TP63: variants seen among roughly 807,000 people sequenced by gnomAD.
TP63 encodes tumor protein 63.
Under a neutral mutation model 82.8 loss-of-function variants are expected in TP63, and 17 were observed. The observed-to-expected ratio is 0.21, with a 90% CI of 0.14 to 0.31. TP63 has a LOEUF of 0.31. TP63 is among the 10% of genes least tolerant of loss of function. The pLI, the probability that TP63 is intolerant of heterozygous loss-of-function variation, is 1.00. For missense variants in TP63, 648 were observed against 895.3 expected (o/e 0.72, Z 3.52); for synonymous variants, 330 against 321.7 (o/e 1.03, Z -0.28).
At position 189,659,018 on chromosome 3, in the gene TP63, C is replaced by T. The variant is rs535274401; in HGVS notation, c.62+27441C>T. Reference sequence around the variant, plus strand: ...ATCTTTCAATTGTTCTGAAATATAACGCTATTCTAAAATAAAAGTTTATTA... The same window carrying T: ...ATCTTTCAATTGTTCTGAAATATAATGCTATTCTAAAATAAAAGTTTATTA... On this transcript the variant is annotated intron_variant, in intron 1 of 13. Coordinates refer to ENST00000264731, the MANE Select transcript of TP63 (RefSeq NM_003722.5). Among the ~76,000 whole-genome samples the T allele has an allele frequency of 9.1e-4, 139 of 152,006 alleles. 1 individual carries two copies. Among genetic ancestry groups the T allele is most frequent in the Non-Finnish European group, 1.6e-3 (110 of 67,886 alleles).
intron 3 of TP63, among the ~76,000 whole-genome samples, chr3:189,805,958 G>A (rs1456964997): frequency 6.6e-6 from 1 of 151,958 alleles, no homozygotes; most frequent in Admixed American, 6.6e-5. Flanking sequence ...TACCCCCCTG[G>A]GGAGAGGGGC....
rs372147574 is a variant in TP63, at chr3:189,848,239, T to TCC, written c.580-15993_580-15992insCC. 6.2e-5 allele frequency among the ~76,000 whole-genome samples: 6 copies of TCC among 96,026 alleles called. No individual in the cohort carries two copies. In the South Asian group the frequency reaches 1.7e-3, roughly 27 times the overall value. 63.0% of individuals were successfully genotyped at this position (96,026 alleles called of 152,430 possible). A position where few individuals can be genotyped will look rare whatever the true frequency, so the allele number is the denominator to read the frequency against. ...CTCTGCCTCCTCCTCCTCCTCCTCC[T>TCC]TCTCTCTCTCTCTCTCTCTCTCTCT... On this transcript the variant is annotated intron_variant, in intron 4 of 13. Transcript: ENST00000264731.
intron 1 of TP63, among the ~76,000 whole-genome samples, chr3:189,642,221 G>A (rs1711952905): frequency 6.6e-6 from 1 of 152,026 alleles, no homozygotes; most frequent in African/African-American, 2.4e-5. Context: ...TTATTAACTA[G>A]GACTTCCGTA....
intron 1 of TP63, among the ~76,000 whole-genome samples, chr3:189,662,480 G>A (rs189937817): frequency 1.5e-4 from 23 of 151,798 alleles, no homozygotes; most frequent in African/African-American, 5.6e-4. Flanking sequence ...TTGCTATATG[G>A]TTAAGTATGT....
At chr3:189,633,407 C>T (rs893985496) in intron 1 of TP63, among the ~76,000 whole-genome samples, 3 of 152,026 alleles carry the variant, frequency 2.0e-5, no homozygotes, top group East Asian at 3.9e-4. Context: ...AAGGCCCCAG[C>T]GTGTGTTGTT....
chr3:189,880,151 G>C, intron 10 of TP63: 1 of 1,613,682 alleles, frequency 6.2e-7, no homozygotes, highest in Non-Finnish European at 8.5e-7. Context: ...GACATTCCAA[G>C]CCCCCAAACC....
At chr3:189,671,333 A>T (rs1431095924) in intron 1 of TP63, among the ~76,000 whole-genome samples, 1 of 152,142 alleles carries the variant, frequency 6.6e-6, no homozygotes, top group Admixed American at 6.6e-5. Flanking sequence ...AACCACAATG[A>T]GATATTATCT....
At chr3:189,726,124 G>A (rs1560137842) in intron 1 of TP63, among the ~76,000 whole-genome samples, 1 of 152,112 alleles carries the variant, frequency 6.6e-6, no homozygotes, top group Non-Finnish European at 1.5e-5. Context: ...GTACAGATTA[G>A]GCAAATTTAT....
At chr3:189,700,460 A>G (rs1414049226) in intron 1 of TP63, among the ~76,000 whole-genome samples, 1 of 152,140 alleles carries the variant, frequency 6.6e-6, no homozygotes, top group Non-Finnish European at 1.5e-5. Flanking sequence ...TAATATCCCA[A>G]AATTGCGTAT....
chr3:189,840,596 C>G (rs1482003058), intron 4 of TP63, among the ~76,000 whole-genome samples: 1 of 151,416 alleles, frequency 6.6e-6, no homozygotes, highest in Non-Finnish European at 1.5e-5. Flanking sequence ...TGCGGTGGCT[C>G]ACGCCTATAA....
chr3:189,676,112 G>A (rs893120157), intron 1 of TP63, among the ~76,000 whole-genome samples: 1 of 152,042 alleles, frequency 6.6e-6, no homozygotes, highest in African/African-American at 2.4e-5. Flanking sequence ...AGTACCAAAA[G>A]CAAGCTAATT....
chr3:189,607,975 G>A, the TP63 span, among the ~76,000 whole-genome samples: 1 of 151,816 alleles, frequency 6.6e-6, no homozygotes, highest in South Asian at 2.1e-4. Flanking sequence ...CTAGACTTGA[G>A]AGGTTCAGCC....
chr3:189,807,705 C>T (rs928264913), intron 3 of TP63, among the ~76,000 whole-genome samples: 1 of 152,184 alleles, frequency 6.6e-6, no homozygotes, highest in African/African-American at 2.4e-5. Context: ...ATCCTCCAGT[C>T]TTTGTGAAAC....
At chr3:189,788,949 A>G (rs931903450) in intron 3 of TP63, among the ~76,000 whole-genome samples, 28 of 151,828 alleles carry the variant, frequency 1.8e-4, no homozygotes, top group Admixed American at 1.2e-3. Flanking sequence ...AAAAAAAAAA[A>G]AAGAAGAAAG....
chr3:189,827,046 A>G (rs144767661), intron 4 of TP63, among the ~76,000 whole-genome samples: 8 of 152,318 alleles, frequency 5.3e-5, no homozygotes, highest in African/African-American at 1.2e-4. Flanking sequence ...TGAAAGTTCA[A>G]TATATGAAGC....
chr3:189,858,595 T>G (rs545096377), intron 4 of TP63, among the ~76,000 whole-genome samples: 1 of 152,126 alleles, frequency 6.6e-6, no homozygotes, highest in South Asian at 2.1e-4. Context: ...GGCAAAATAG[T>G]GAGACCCCAT....
chr3:189,870,113 G>A (rs1051921144), intron 9 of TP63, among the ~76,000 whole-genome samples: 1 of 151,938 alleles, frequency 6.6e-6, no homozygotes, highest in Non-Finnish European at 1.5e-5. Flanking sequence ...AGGCAGCATG[G>A]CCATAGAAAT....
At chr3:189,750,837 A>G (rs1721762674) in intron 3 of TP63, among the ~76,000 whole-genome samples, 1 of 152,048 alleles carries the variant, frequency 6.6e-6, no homozygotes, top group African/African-American at 2.4e-5. Flanking sequence ...TTTTTATTAT[A>G]CTTTAAGTTC....
chr3:189,799,010 C>T (rs897104269), intron 3 of TP63, among the ~76,000 whole-genome samples: 7 of 151,964 alleles, frequency 4.6e-5, no homozygotes, highest in African/African-American at 1.7e-4. Context: ...ATTTGACAAA[C>T]AAAAGCAAAT....
Sources: gnomAD v4.1 joint callset for allele counts (sites outside exome capture counted in the v4.1 genomes callset) on GRCh38, gnomAD v4.1.1 for gene constraint, MANE v1.5 for transcripts, NCBI Gene and HGNC (gene_info 2026-07-23, HGNC 2026-07-21) for gene names.